Variants in IGSF9 observed in about 807,000 individuals in gnomAD.
IGSF9 encodes the protein immunoglobulin superfamily member 9.
In IGSF9, 87 loss-of-function variants were observed where a neutral mutation model predicts 121.7. The observed-to-expected ratio is 0.71, with a 90% CI of 0.60 to 0.85. The LOEUF (loss-of-function observed/expected upper bound fraction) is 0.85, where lower values mean the gene tolerates loss of function less well. Among genes scored for constraint, IGSF9 ranks in the 40% least tolerant of loss-of-function variants. The pLI, the probability that IGSF9 is intolerant of heterozygous loss-of-function variation, is 0.00. For missense variants in IGSF9, 1,462 were observed against 1,565.3 expected (o/e 0.93, Z 1.11); for synonymous variants, 640 against 648.4 (o/e 0.99, Z 0.20).
At position 159,929,623 on chromosome 1, in the gene IGSF9, G is replaced by A. The variant is rs200950034; in HGVS notation, c.2326+15C>T. ...CCAAGTGCGCAGTAGCAGGGCTGAG[G>A]GTGGAGGGACTTACCTTGGCGGAGG... On this transcript the variant is annotated intron_variant, in intron 17 of 20. Coordinates refer to ENST00000368094, the MANE Select transcript of IGSF9 (RefSeq NM_001135050.2). 1.2e-5 allele frequency: 19 copies of A among 1,589,660 alleles called. No homozygotes were observed. The South Asian group carries it at 1.6e-4, about 13-fold the overall frequency.
chr1:159,936,551 C>T (rs1408193336), intron 5 of IGSF9, 35 bp from the exon 6 acceptor site: 1 of 1,596,056 alleles, frequency 6.3e-7, no homozygotes, highest in Non-Finnish European at 8.6e-7. Context: ...AGTCCTTTCC[C>T]CTGCCAGCCT....
Position 159,927,169 on chromosome 1 carries a change from C to T in IGSF9, c.*176G>A, listed in dbSNP as rs1650765054. On this transcript the variant is annotated 3_prime_UTR_variant, in exon 21 of 21. Transcript: ENST00000368094. ...TCCCTGTTCCAATCCCCAGACTCAC[C>T]TAGGGGGTCAGCACATACATTCCAT... 2 of 651,876 alleles carry T rather than the reference C, an allele frequency of 3.1e-6. No individual in the cohort carries two copies. Among genetic ancestry groups the T allele is most frequent in the Non-Finnish European group, 5.3e-6 (2 of 375,214 alleles). 40.4% of individuals were successfully genotyped at this position (651,876 alleles called of 1,614,324 possible).
chr1:159,944,510 C>T (rs372859741), intron 1 of IGSF9, among the ~76,000 whole-genome samples: 3 of 152,200 alleles, frequency 2.0e-5, no homozygotes, highest in East Asian at 3.8e-4. Flanking sequence ...CACTCCCCTC[C>T]AATATCTTCG....
chr1:159,927,062 A>G lies in IGSF9; in HGVS notation c.*283T>C, dbSNP rs946266191. 9.9e-6 allele frequency: 5 copies of G among 504,952 alleles called. No individual in the cohort carries two copies. Among genetic ancestry groups the G allele is most frequent in the Non-Finnish European group, 1.8e-5 (5 of 284,202 alleles). 31.3% of individuals were successfully genotyped at this position (504,952 alleles called of 1,614,324 possible). A position where few individuals can be genotyped will look rare whatever the true frequency, so the allele number is the denominator to read the frequency against. ...AACATCTTTCAAACTTTGTTTATTC[A>G]CCTGTAAAAAACTTCACACACACAC... On this transcript the variant is annotated 3_prime_UTR_variant, in exon 21 of 21. Transcript: ENST00000368094.
chr1:159,934,139 A>G, intron 9 of IGSF9, 51 bp downstream of exon 9: 1 of 1,572,188 alleles, frequency 6.4e-7, no homozygotes. Flanking sequence ...TGCTGTCCTG[A>G]GCAGAATAAC....
In IGSF9 at chr1:159,934,255, GA is replaced by G. The variant is rs1259269443; in HGVS notation, c.1038del (p.Arg347ValfsTer34). The G allele has an allele frequency of 6.2e-7, 1 of 1,613,782 alleles. No individual in the cohort carries two copies. The highest frequency in any genetic ancestry group is 1.3e-5 in the African/African-American group (1 of 74,910). ...IGMPGVIRCP[V>X]RANPPLLFVS... ...ACAAAGAGCAGTGGGGGGTTGGCAC[GA>G]ACCGGGCAGCGGATCACCCCCGGCA... is the stretch of plus-strand genomic sequence containing the variant. On this transcript the variant is annotated frameshift_variant, in exon 9 of 21. Transcript: ENST00000368094. LOFTEE classifies it high-confidence loss of function.
At position 159,930,710 on chromosome 1, in the gene IGSF9, C is replaced by T; in HGVS notation, c.1795G>A (p.Val599Ile). ...KLGSGPFSEI[V>I]LSAPEGLPTT... ...TTCTCACCTTCCGGAGCAGACAAGA[C>T]GATTTCGCTGAAGGGACCACTCCCC... Residue 599 changes from valine (V) to isoleucine (I), a missense_variant, in exon 14 of 21, where the codon GTC (valine) becomes ATC (isoleucine). Coordinates refer to ENST00000368094, the MANE Select transcript of IGSF9 (RefSeq NM_001135050.2). 1.9e-6 allele frequency: 3 copies of T among 1,614,114 alleles called. No homozygotes were observed. The highest frequency in any genetic ancestry group is 2.5e-6 in the Non-Finnish European group (3 of 1,180,004).
chr1:159,944,198 G>A (rs1245203621), intron 1 of IGSF9, among the ~76,000 whole-genome samples: 1 of 152,094 alleles, frequency 6.6e-6, no homozygotes, highest in Non-Finnish European at 1.5e-5. Context: ...GTGGTCCCCA[G>A]GACACCCCGA....
In IGSF9 at chr1:159,936,816, G is replaced by T. The variant is rs528142068; in HGVS notation, c.493C>A (p.Leu165Met). The change falls in exon 5 of 21, where the codon CTG (leucine) becomes ATG (methionine). Residue 165 changes from leucine (L) to methionine (M), a missense_variant. Coordinates refer to ENST00000368094, the MANE Select transcript of IGSF9 (RefSeq NM_001135050.2). ...CGGAGCTTCCACGTCACATGAGGCA[G>T]GGGGCTGCCACGGGCCACACAACGC... ...TLRCVARGSP[L>M]PHVTWKLRGK... The T allele has an allele frequency of 6.2e-7, 1 of 1,614,218 alleles. No individual in the cohort carries two copies. Among genetic ancestry groups the T allele is most frequent in the South Asian group, 1.1e-5 (1 of 91,088 alleles).
Position 159,944,075 on chromosome 1 carries a change from T to A in IGSF9, c.-174-447A>T, listed in dbSNP as rs969864956. Among the ~76,000 whole-genome samples the A allele has an allele frequency of 2.0e-5, 3 of 152,128 alleles. No homozygotes were observed. The East Asian group carries it at 5.8e-4, about 29-fold the overall frequency. ...ATGCTCACAAGGTATAGCAGCAAGA[T>A]GGAACCAGTGCTGTCGCCTTCACCC... On this transcript the variant is annotated intron_variant, in intron 1 of 20. Transcript: ENST00000368094.
intron 3 of IGSF9, 119 bp from the exon 4 acceptor site, chr1:159,937,957 G>A: frequency 8.9e-7 from 1 of 1,118,478 alleles, no homozygotes; most frequent in South Asian, 1.5e-5. Flanking sequence ...GTTACTCTGA[G>A]TGTGGGGTCC....
In IGSF9 at chr1:159,928,634, TG is replaced by T. The variant is rs1239920175; in HGVS notation, c.2753del (p.Pro918GlnfsTer10). On this transcript the variant is annotated frameshift_variant, in exon 19 of 21. Transcript: ENST00000368094. LOFTEE classifies it high-confidence loss of function. ...PPPAAPPSPL[P>X]GPGPLLQYLS... Reference sequence around the variant, plus strand: ...GGTACTGGAGCAGGGGTCCAGGACCTGGCAAGGGACTGGGTGGGGCTGCTGG... The same window carrying T: ...GGTACTGGAGCAGGGGTCCAGGACCTGCAAGGGACTGGGTGGGGCTGCTGG... 1.3e-6 allele frequency: 2 copies of T among 1,485,680 alleles called. No individual in the cohort carries two copies. The highest frequency in any genetic ancestry group is 2.8e-5 in the African/African-American group (2 of 71,424). The allele number at this position is 1,485,680 out of a possible 1,614,324, so 92.0% of individuals were successfully genotyped here.
In IGSF9 at chr1:159,928,680, A is replaced by C; in HGVS notation, c.2708T>G (p.Ile903Ser). The change falls in exon 19 of 21, where the codon ATC (isoleucine) becomes AGC (serine). Residue 903 changes from isoleucine (I) to serine (S), a missense_variant. By Grantham distance (142) the Ile-to-Ser change is moderately radical. This residue lies in a region of IGSF9 where 808 missense variants were observed against 815.2 expected (regional missense o/e 0.99). Coordinates refer to ENST00000368094, the MANE Select transcript of IGSF9 (RefSeq NM_001135050.2). ...TGCTGGAGGGGGTGCCACAGGGCTGATGTCTTCAATGCAGAGGGGCTGGGG... is the reference window on the plus strand; with the variant it reads ...TGCTGGAGGGGGTGCCACAGGGCTGCTGTCTTCAATGCAGAGGGGCTGGGG... ...GAPQPLCIED[I>S]SPVAPPPAAP... 6.8e-7 allele frequency: 1 copy of C among 1,479,056 alleles called. No individual in the cohort carries two copies. 91.6% of individuals were successfully genotyped at this position (1,479,056 alleles called of 1,614,324 possible). A position where few individuals can be genotyped will look rare whatever the true frequency, so the allele number is the denominator to read the frequency against.
At chr1:159,937,038 C>T in intron 4 of IGSF9, 130 bp from the exon 5 acceptor site, 1 of 840,728 alleles carries the variant, frequency 1.2e-6, no homozygotes, top group Non-Finnish European at 1.9e-6. Context: ...TAGGAGTCCT[C>T]AGCCCAGGGC....
chr1:159,938,401 T>C (rs1651270937), intron 3 of IGSF9, among the ~76,000 whole-genome samples: 2 of 152,140 alleles, frequency 1.3e-5, no homozygotes, highest in African/African-American at 4.8e-5. Flanking sequence ...AGCAGCAAAG[T>C]CAGCAGCCTC....
chr1:159,928,621 G>C lies in IGSF9; in HGVS notation c.2767C>G (p.Leu923Val), dbSNP rs1338912863. Residue 923 changes from leucine to valine, a missense_variant, in exon 19 of 21, where the codon CTG becomes GTG. Leu to Val is a conservative substitution (Grantham distance 32). This residue lies in a region of IGSF9 where 808 missense variants were observed against 815.2 expected (regional missense o/e 0.99). Transcript: ENST00000368094. The part of the protein sequence containing the change: ...PPSPLPGPGP[L>V]LQYLSLPFFR... Reference sequence around the variant, plus strand: ...AAGGGCAGGCTCAGGTACTGGAGCAGGGGTCCAGGACCTGGCAAGGGACTG... The same window carrying C: ...AAGGGCAGGCTCAGGTACTGGAGCACGGGTCCAGGACCTGGCAAGGGACTG... The C allele has an allele frequency of 2.0e-6, 3 of 1,493,550 alleles. No homozygotes were observed. The highest frequency in any genetic ancestry group is 2.7e-6 in the Non-Finnish European group (3 of 1,120,004). 92.5% of individuals were successfully genotyped at this position (1,493,550 alleles called of 1,614,324 possible). A position where few individuals can be genotyped will look rare whatever the true frequency, so the allele number is the denominator to read the frequency against.
At position 159,928,180 on chromosome 1, in the gene IGSF9, G is replaced by A. The variant is rs1320302566; in HGVS notation, c.3208C>T (p.His1070Tyr). The A allele has an allele frequency of 6.2e-7, 1 of 1,609,654 alleles. No homozygotes were observed. The highest frequency in any genetic ancestry group is 1.7e-5 in the Admixed American group (1 of 60,010). The change falls in exon 19 of 21, where the codon CAT (histidine) becomes TAT (tyrosine). Residue 1070 changes from histidine to tyrosine, a missense_variant. Physicochemically the swap from His to Tyr is moderately conservative, Grantham distance 83. This residue lies in a region of IGSF9 where 808 missense variants were observed against 815.2 expected (regional missense o/e 0.99). Coordinates refer to ENST00000368094, the MANE Select transcript of IGSF9 (RefSeq NM_001135050.2). ...SGPERWPRRE[H>Y]VVTVSKRRNT... ...CACCTCTTGCTGACTGTCACCACAT[G>A]CTCCCTTCGGGGCCATCTCTCAGGG...
In IGSF9 at chr1:159,928,287, A is replaced by G; in HGVS notation, c.3101T>C (p.Leu1034Pro). 2 of 1,612,442 alleles carry G rather than the reference A, an allele frequency of 1.2e-6. No homozygotes were observed. The highest frequency in any genetic ancestry group is 1.7e-6 in the Non-Finnish European group (2 of 1,179,618). Residue 1034 changes from leucine to proline, a missense_variant, in exon 19 of 21, where the codon CTG (leucine) becomes CCG (proline). Leu to Pro is a moderately conservative substitution (Grantham distance 98). Transcript: ENST00000368094. ...AGAGGGGGCTGTGGAGGGGGGCCGC[A>G]GGAACGAAGCGCTGCCTCGCCCACT... The part of the protein sequence containing the change: ...QSSGRGSASF[L>P]RPPSTAPSAG...
chr1:159,930,986 C>T (rs540404042), intron 13 of IGSF9, 119 bp from the exon 14 acceptor site: 1 of 1,440,030 alleles, frequency 6.9e-7, no homozygotes, highest in Admixed American at 2.2e-5. Flanking sequence ...GACCTTGGCC[C>T]TGAATGCCTC....
Sources: gnomAD v4.1 joint callset for allele counts (sites outside exome capture counted in the v4.1 genomes callset) on GRCh38, gnomAD v4.1.1 for gene constraint, gnomAD v4.1.1 regional missense constraint, MANE v1.5 for transcripts, NCBI Gene and HGNC (gene_info 2026-07-23, HGNC 2026-07-21) for gene names.